Variants in IL6R observed in about 807,000 individuals in gnomAD.
IL6R encodes the protein interleukin 6 receptor.
IL6R carries 38 observed loss-of-function variants against 48.3 expected under a neutral mutation model. The observed-to-expected ratio is 0.79, with a 90% CI of 0.61 to 1.03. The LOEUF (loss-of-function observed/expected upper bound fraction) is 1.03, where lower values mean the gene tolerates loss of function less well. IL6R is among the 50% of genes least tolerant of loss of function. The pLI, the probability that IL6R is intolerant of heterozygous loss-of-function variation, is 0.00. For synonymous variants in IL6R, 264 were observed against 256.2 expected (o/e 1.03, Z -0.29); for missense variants, 534 against 618.3 (o/e 0.86, Z 1.45).
At chr1:154,463,816 G>C (rs1350606893) in intron 9 of IL6R, among the ~76,000 whole-genome samples, 1 of 152,244 alleles carries the variant, frequency 6.6e-6, no homozygotes, top group Non-Finnish European at 1.5e-5. Context: ...GTGGAGCACT[G>C]TGAACCAAGC....
chr1:154,434,638 G>C lies in IL6R; in HGVS notation c.578G>C (p.Cys193Ser). The change falls in exon 4 of 10, where the codon TGC becomes TCC. Residue 193 changes from cysteine (C) to serine (S), a missense_variant. Physicochemically the swap from Cys to Ser is moderately radical, Grantham distance 112 (BLOSUM62 -1). Transcript: ENST00000368485. ...GDSSFYIVSM[C>S]VASSVGSKFS... ...AGCTCTTTCTACATAGTGTCCATGT[G>C]CGTCGCCAGTAGTGTCGGGAGCAAG... 1 of 1,614,178 alleles carries C rather than the reference G, an allele frequency of 6.2e-7. No individual in the cohort carries two copies. Among genetic ancestry groups the C allele is most frequent in the Non-Finnish European group, 8.5e-7 (1 of 1,180,028 alleles).
chr1:154,440,362 A>T (rs999705602), intron 6 of IL6R, among the ~76,000 whole-genome samples: 1 of 152,226 alleles, frequency 6.6e-6, no homozygotes, highest in Non-Finnish European at 1.5e-5. Flanking sequence ...TGCTATGAAC[A>T]CGGGTGTAAA....
intron 6 of IL6R, among the ~76,000 whole-genome samples, chr1:154,445,616 G>A (rs537783371): frequency 6.6e-6 from 1 of 152,016 alleles, no homozygotes; most frequent in Non-Finnish European, 1.5e-5. Flanking sequence ...CGGGTGTGGT[G>A]GTGGGCGCCT....
At chr1:154,451,256 G>A (rs1376094299) in intron 8 of IL6R, among the ~76,000 whole-genome samples, 1 of 152,280 alleles carries the variant, frequency 6.6e-6, no homozygotes, top group Non-Finnish European at 1.5e-5. Flanking sequence ...GGTGGCTTAC[G>A]CCTGTAATCC....
chr1:154,405,833 T>TC lies in IL6R; in HGVS notation c.85+120dup. ...AAAGGAGGTGCGACGGATCCCCTTT[T>TC]CTGTGGCTGCCTTGAGGCCCCGCGG... On this transcript the variant is annotated intron_variant, in intron 1 of 9. Transcript: ENST00000368485. The surrounding 1 kb of genome is among the most constrained non-coding windows in gnomAD (Gnocchi z 5.2). 1.3e-6 allele frequency: 1 copy of TC among 776,696 alleles called. No individual in the cohort carries two copies. The highest frequency in any genetic ancestry group is 2.0e-5 in the South Asian group (1 of 50,148). The allele number at this position is 776,696 out of a possible 1,614,324, so 48.1% of individuals were successfully genotyped here.
intron 1 of IL6R, among the ~76,000 whole-genome samples, chr1:154,407,387 C>G (rs1283091219): frequency 1.3e-5 from 2 of 152,204 alleles, no homozygotes; most frequent in East Asian, 1.9e-4. Context: ...AGTCAGTTTT[C>G]CATTTCCCTG....
intron 7 of IL6R, among the ~76,000 whole-genome samples, chr1:154,449,448 G>T (rs1690460928): frequency 6.6e-6 from 1 of 152,274 alleles, no homozygotes; most frequent in Admixed American, 6.5e-5. Context: ...GGGAGGCGGA[G>T]GTTGCAGTGA....
At chr1:154,437,415 A>T in intron 6 of IL6R, 1 of 356,050 alleles carries the variant, frequency 2.8e-6, no homozygotes, top group South Asian at 1.8e-5. Flanking sequence ...TTTTTAACTT[A>T]AATTTTTTTT....
In IL6R at chr1:154,469,246, T is replaced by A. The variant is rs1691684953; in HGVS notation, c.*3866T>A. ...GATCACATCTGTTAAATAGAATACC[T>A]CAACTCTACGTTGTTTTCTTGGAGA... On this transcript the variant is annotated 3_prime_UTR_variant, in exon 10 of 10. Transcript: ENST00000368485. 6.6e-6 allele frequency: 1 copy of A among 152,222 alleles called. No homozygotes were observed. The highest frequency in any genetic ancestry group is 6.5e-5 in the Admixed American group (1 of 15,282). 9.4% of individuals were successfully genotyped at this position (152,222 alleles called of 1,614,324 possible). A position where few individuals can be genotyped will look rare whatever the true frequency, so the allele number is the denominator to read the frequency against.
chr1:154,418,843 C>G (rs1688498424), intron 1 of IL6R, among the ~76,000 whole-genome samples: 1 of 152,128 alleles, frequency 6.6e-6, no homozygotes, highest in Non-Finnish European at 1.5e-5. Context: ...CTGAGAGTCC[C>G]CAGTGCCCCA....
At chr1:154,448,358 G>GT (rs1690390412) in intron 7 of IL6R, among the ~76,000 whole-genome samples, 187 bp downstream of exon 7, 1 of 152,264 alleles carries the variant, frequency 6.6e-6, no homozygotes, top group Admixed American at 6.5e-5. Context: ...TCCCAGGACT[G>GT]TAAGGAGTGG....
intron 1 of IL6R, among the ~76,000 whole-genome samples, chr1:154,410,521 G>C (rs1687962172): frequency 6.6e-6 from 1 of 152,210 alleles, no homozygotes; most frequent in Non-Finnish European, 1.5e-5. Context: ...AAAGTGCTGG[G>C]ATTACAGGCG....
At chr1:154,435,569 C>A (rs1689573572) in intron 5 of IL6R, among the ~76,000 whole-genome samples, 1 of 151,782 alleles carries the variant, frequency 6.6e-6, no homozygotes, top group Admixed American at 6.6e-5. Flanking sequence ...GTTCCTGCTT[C>A]ACAATTGGCT....
rs559729379 is a variant in IL6R at position 154,446,296 on chromosome 1, C to A, written c.950-1829C>A. Among the ~76,000 whole-genome samples the A allele has an allele frequency of 2.2e-4, 33 of 152,246 alleles. 1 individual carries two copies. In the South Asian group the frequency reaches 6.4e-3, roughly 30 times the overall value. On this transcript the variant is annotated intron_variant, in intron 6 of 9. Coordinates refer to ENST00000368485, the MANE Select transcript of IL6R (RefSeq NM_000565.4). ...TCCGGGCCTCTGTTTCCCCTCTGTA[C>A]AATTGGAAGAGTGGATGCATTCTTA... is the stretch of plus-strand genomic sequence containing the variant.
At position 154,466,411 on chromosome 1, in the gene IL6R, A is replaced by G. The variant is rs556237141; in HGVS notation, c.*1031A>G. 5 of 152,236 alleles carry G rather than the reference A, an allele frequency of 3.3e-5. No homozygotes were observed. Among genetic ancestry groups the G allele is most frequent in the Non-Finnish European group, 7.3e-5 (5 of 68,044 alleles). The allele number at this position is 152,236 out of a possible 1,614,324, so 9.4% of individuals were successfully genotyped here. A position where few individuals can be genotyped will look rare whatever the true frequency, so the allele number is the denominator to read the frequency against. On this transcript the variant is annotated 3_prime_UTR_variant, in exon 10 of 10. Transcript: ENST00000368485. Reference sequence around the variant, plus strand: ...ATGAGCCTGGCAAGAATGTGTTTAAACTTGGTTTTTAAAAAACTGCTGACT... The same window carrying G: ...ATGAGCCTGGCAAGAATGTGTTTAAGCTTGGTTTTTAAAAAACTGCTGACT...
chr1:154,458,306 G>A (rs1444516795), intron 9 of IL6R, among the ~76,000 whole-genome samples: 7 of 152,052 alleles, frequency 4.6e-5, no homozygotes, highest in African/African-American at 7.2e-5. Context: ...ATTACAAGCC[G>A]TCTGAAGGGT....
chr1:154,426,520 CAA>C (rs5777913), intron 1 of IL6R, among the ~76,000 whole-genome samples: 115 of 121,684 alleles, frequency 9.5e-4, no homozygotes, highest in Admixed American at 1.3e-3. Context: ...GATTCTGTCT[CAA>C]AAAAAAAAAA....
intron 1 of IL6R, among the ~76,000 whole-genome samples, chr1:154,422,107 C>T (rs369791428): frequency 1.3e-5 from 2 of 151,972 alleles, no homozygotes; most frequent in Non-Finnish European, 2.9e-5. Flanking sequence ...CCACCACGCC[C>T]GGCTAATTTT....
rs540848324 is a variant in IL6R, at chr1:154,431,149, G to A, written c.458+543G>A. 5.2e-3 allele frequency among the ~76,000 whole-genome samples: 785 copies of A among 152,224 alleles called. 3 individuals carry two copies. The highest frequency in any genetic ancestry group is 8.1e-3 in the Non-Finnish European group (552 of 68,024). ...ATGGGCGGGGGAGAGGGAGCTTGGGGCCGTGGGGGGAGAAGTCACGCCTGC... is the reference window on the plus strand; with the variant it reads ...ATGGGCGGGGGAGAGGGAGCTTGGGACCGTGGGGGGAGAAGTCACGCCTGC... On this transcript the variant is annotated intron_variant, in intron 3 of 9. Transcript: ENST00000368485.
Sources: gnomAD v4.1 joint callset for allele counts (sites outside exome capture counted in the v4.1 genomes callset) on GRCh38, gnomAD v4.1.1 for gene constraint, Gnocchi (gnomAD v3.1) non-coding constraint, MANE v1.5 for transcripts, NCBI Gene and HGNC (gene_info 2026-07-23, HGNC 2026-07-21) for gene names.